CAMK2B: variants seen among roughly 807,000 people sequenced by gnomAD.
The protein encoded by CAMK2B is calcium/calmodulin-dependent protein kinase type II subunit beta.
A neutral mutation model predicts 93.7 loss-of-function variants in CAMK2B; 27 were observed. The observed-to-expected ratio is 0.29, with a 90% CI of 0.21 to 0.40. The LOEUF (loss-of-function observed/expected upper bound fraction) is 0.40, where lower values mean the gene tolerates loss of function less well. CAMK2B is among the 10% of genes least tolerant of loss of function. The pLI is 1.00. For missense variants in CAMK2B, 568 were observed against 895.8 expected (o/e 0.63, Z 4.67); for synonymous variants, 374 against 358.8 (o/e 1.04, Z -0.48).
intron 1 of CAMK2B, among the ~76,000 whole-genome samples, chr7:44,302,552 T>C (rs1170622861): frequency 6.6e-6 from 1 of 152,190 alleles, no homozygotes; most frequent in African/African-American, 2.4e-5. Context: ...AAGAATTATA[T>C]ATCATGATCA....
chr7:44,313,805 C>T lies in CAMK2B; in HGVS notation c.65+11552G>A, dbSNP rs925381065. On this transcript the variant is annotated intron_variant, in intron 1 of 23. Transcript: ENST00000395749. Reference sequence around the variant, plus strand: ...CAGTGCCTCTGGCCTGAGCTCACATCAGGCACAGGCCCAGAGGGCTGGCTA... The same window carrying T: ...CAGTGCCTCTGGCCTGAGCTCACATTAGGCACAGGCCCAGAGGGCTGGCTA... 2.0e-5 allele frequency among the ~76,000 whole-genome samples: 3 copies of T among 148,562 alleles called. No homozygotes were observed. In the Admixed American group the frequency reaches 2.0e-4, roughly 10 times the overall value.
Position 44,261,060 on chromosome 7 carries a change from G to A in CAMK2B, c.220+1945C>T, listed in dbSNP as rs145645793. Among the ~76,000 whole-genome samples, 89 of 152,320 alleles carry A rather than the reference G, an allele frequency of 5.8e-4. No homozygotes were observed. In the East Asian group the frequency reaches 0.014, roughly 25 times the overall value. On this transcript the variant is annotated intron_variant, in intron 3 of 23. Coordinates refer to ENST00000395749, the MANE Select transcript of CAMK2B (RefSeq NM_001220.5). ...TGGCTTCTGTCCCAAGAGCAAGGAT[G>A]CCCTCTCACTAGGTCCCCTGGACCC...
chr7:44,220,990 C>A (rs926521645), intron 20 of CAMK2B, 89 bp from the exon 21 acceptor site: 3 of 1,083,832 alleles, frequency 2.8e-6, no homozygotes, highest in Non-Finnish European at 4.1e-6. Flanking sequence ...CCTGGGGGAG[C>A]GCGAGCTGCA....
intron 4 of CAMK2B, among the ~76,000 whole-genome samples, chr7:44,256,046 T>C (rs2096830720): frequency 6.6e-6 from 1 of 152,216 alleles, no homozygotes; most frequent in African/African-American, 2.4e-5. Context: ...GCCTGACTGG[T>C]TCTGCTGTTC....
At position 44,228,780 on chromosome 7, in the gene CAMK2B, G is replaced by A. The variant is rs866750196; in HGVS notation, c.1468+16C>T. On this transcript the variant is annotated intron_variant, in intron 19 of 23. Coordinates refer to ENST00000395749, the MANE Select transcript of CAMK2B (RefSeq NM_001220.5). The stretch of plus-strand genomic sequence containing the variant: ...GTCCGGCAGCAGAGGCGGCAGGCCT[G>A]GGGGCCACTACTTACACGGGGAGGA... The A allele has an allele frequency of 1.2e-5, 17 of 1,457,444 alleles. No individual in the cohort carries two copies. The highest frequency in any genetic ancestry group is 2.1e-4 in the Middle Eastern group (1 of 4,838). 90.3% of individuals were successfully genotyped at this position (1,457,444 alleles called of 1,614,324 possible). A position where few individuals can be genotyped will look rare whatever the true frequency, so the allele number is the denominator to read the frequency against.
chr7:44,291,548 G>A (rs1425442654), intron 1 of CAMK2B, among the ~76,000 whole-genome samples: 2 of 152,176 alleles, frequency 1.3e-5, no homozygotes, highest in Non-Finnish European at 2.9e-5. Context: ...AGCCTGGGCC[G>A]GCATCCAAGC....
At chr7:44,230,911 G>T in intron 17 of CAMK2B, 95 bp downstream of exon 17, 2 of 1,044,608 alleles carry the variant, frequency 1.9e-6, no homozygotes, top group Non-Finnish European at 2.8e-6. Flanking sequence ...ACTAGGCGTC[G>T]CAGGAGAGTT....
intron 16 of CAMK2B, among the ~76,000 whole-genome samples, chr7:44,232,620 T>TCCAGGGGCGCG (rs1353320819): frequency 6.6e-6 from 1 of 152,186 alleles, no homozygotes; most frequent in African/African-American, 2.4e-5. Context: ...GCCAAGCACC[T>TCCAGGGGCGCG]CCAGGGGCGC....
chr7:44,307,731 G>A (rs183327890), intron 1 of CAMK2B, among the ~76,000 whole-genome samples: 32 of 152,252 alleles, frequency 2.1e-4, no homozygotes, highest in African/African-American at 7.5e-4. Context: ...CCACCTGGAA[G>A]GAGCCTGTGG....
At chr7:44,272,586 A>G (rs1369593775) in intron 2 of CAMK2B, among the ~76,000 whole-genome samples, 3 of 152,248 alleles carry the variant, frequency 2.0e-5, no homozygotes, top group Non-Finnish European at 4.4e-5. Flanking sequence ...CCTCAAGGTC[A>G]GGGCTCCCAG....
chr7:44,251,675 T>G (rs551644993), intron 5 of CAMK2B, among the ~76,000 whole-genome samples: 1 of 152,278 alleles, frequency 6.6e-6, no homozygotes, highest in African/African-American at 2.4e-5. Flanking sequence ...CCATTTGAGC[T>G]CCAAACCCTC....
rs147018512 is a variant in CAMK2B, at chr7:44,311,998, G to A, written c.65+13359C>T. Among the ~76,000 whole-genome samples, 65 of 152,250 alleles carry A rather than the reference G, an allele frequency of 4.3e-4. No individual in the cohort carries two copies. The highest frequency in any genetic ancestry group is 3.4e-3 in the Middle Eastern group (1 of 294). ...GTCACGCCTGCTGGAGACTTTCCTCGCCACATCTCTGTCCCCACAGCCCAG... is the reference window on the plus strand; with the variant it reads ...GTCACGCCTGCTGGAGACTTTCCTCACCACATCTCTGTCCCCACAGCCCAG... On this transcript the variant is annotated intron_variant, in intron 1 of 23. Coordinates refer to ENST00000395749, the MANE Select transcript of CAMK2B (RefSeq NM_001220.5). The surrounding 1 kb of genome is among the most constrained non-coding windows in gnomAD (Gnocchi z 4.2).
chr7:44,256,498 T>G (rs1003371722), intron 4 of CAMK2B, among the ~76,000 whole-genome samples: 29 of 152,240 alleles, frequency 1.9e-4, no homozygotes, highest in Admixed American at 4.6e-4. Flanking sequence ...AGTTTGTTCA[T>G]GCGCACACAT....
rs1478228809 is a variant in CAMK2B, at chr7:44,286,737, C to T, written c.66-2512G>A. On this transcript the variant is annotated intron_variant, in intron 1 of 23. Coordinates refer to ENST00000395749, the MANE Select transcript of CAMK2B (RefSeq NM_001220.5). This position sits in a 1 kb window ranked among gnomAD's most constrained non-coding sequence, Gnocchi z 4.0. ...CCGCCCCTGCACCATCAGCCTAGGT[C>T]GGAGCAGTCAGCAATCGGGGAAGGC... 3.3e-5 allele frequency among the ~76,000 whole-genome samples: 5 copies of T among 152,198 alleles called. No individual in the cohort carries two copies. Among genetic ancestry groups the T allele is most frequent in the African/African-American group, 7.2e-5 (3 of 41,452 alleles).
At chr7:44,249,946 T>C (rs985692191) in intron 5 of CAMK2B, among the ~76,000 whole-genome samples, 1 of 152,134 alleles carries the variant, frequency 6.6e-6, no homozygotes, top group Non-Finnish European at 1.5e-5. Context: ...ACGGGGACTA[T>C]GGGGACAGCA....
chr7:44,284,085 T>C (rs1210411357), intron 2 of CAMK2B, 46 bp downstream of exon 2: 6 of 1,457,450 alleles, frequency 4.1e-6, no homozygotes, highest in African/African-American at 1.4e-5. Flanking sequence ...CCAAAGCCCC[T>C]GCCCCAGCCT....
In CAMK2B at chr7:44,229,457, C is replaced by T. The variant is rs1437336560; in HGVS notation, c.1270G>A (p.Gly424Arg). 1.1e-5 allele frequency: 16 copies of T among 1,481,226 alleles called. 1 individual carries two copies. Among genetic ancestry groups the T allele is most frequent in the Non-Finnish European group, 1.4e-5 (16 of 1,116,786 alleles). 91.8% of individuals were successfully genotyped at this position (1,481,226 alleles called of 1,614,324 possible). A position where few individuals can be genotyped will look rare whatever the true frequency, so the allele number is the denominator to read the frequency against. The change falls in exon 18 of 24, where the codon GGA becomes AGA. Residue 424 changes from glycine (G) to arginine (R), a missense_variant. Gly to Arg is a moderately radical substitution (Grantham distance 125). Transcript: ENST00000395749. ...DILSSVRRGSGAPEAEGPLPC... is the reference protein window; with the variant it reads ...DILSSVRRGSRAPEAEGPLPC... ...AGGGGCCCCTCGGCTTCTGGGGCTC[C>T]CGAGCCCCTCCTCACTGAGCTCAGG...
chr7:44,243,220 T>G (rs763515097), intron 8 of CAMK2B, 30 bp downstream of exon 8: 1 of 1,569,788 alleles, frequency 6.4e-7, no homozygotes, highest in South Asian at 1.1e-5. Flanking sequence ...CCCGAGGCCC[T>G]GCCCCGCACC....
chr7:44,290,071 C>T (rs946205096), intron 1 of CAMK2B, among the ~76,000 whole-genome samples: 1 of 152,204 alleles, frequency 6.6e-6, no homozygotes, highest in Non-Finnish European at 1.5e-5. Flanking sequence ...GCACTCTCCT[C>T]ACTCAGATGT....
Sources: allele counts gnomAD v4.1 joint callset (sites outside exome capture counted in the v4.1 genomes callset), GRCh38; gene constraint gnomAD v4.1.1; non-coding constraint Gnocchi (gnomAD v3.1); transcripts MANE v1.5; gene names NCBI Gene and HGNC (gene_info 2026-07-23, HGNC 2026-07-21).